CCDC50: variants seen among roughly 807,000 people sequenced by gnomAD.
CCDC50 encodes the protein coiled-coil domain containing 50.
CCDC50 carries 54 observed loss-of-function variants against 70.2 expected under a neutral mutation model. The observed-to-expected ratio is 0.77, with a 90% confidence interval of 0.62 to 0.96. CCDC50 has a LOEUF of 0.96. Ranked by LOEUF, CCDC50 falls within the 50% of genes least tolerant of loss-of-function variation. CCDC50 has a pLI of 0.00. For synonymous variants in CCDC50, 216 were observed against 198.8 expected, an observed-to-expected ratio of 1.09 and a Z score of -0.73; for missense variants, 558 against 578.7, an observed-to-expected ratio of 0.96 and a Z score of 0.37.
At chr3:191,389,335 A>G (rs1713603012) in intron 10 of CCDC50, among the ~76,000 whole-genome samples, 161 bp from the exon 11 acceptor site, 1 of 152,238 alleles carries the variant, frequency 6.6e-6, no homozygotes. Flanking sequence ...TAAATAATTT[A>G]TTCAAGGCCA....
chr3:191,353,276 A>G (rs79094824), intron 1 of CCDC50, among the ~76,000 whole-genome samples: 12,654 of 141,714 alleles, frequency 0.089, 2,245 homozygotes, highest in East Asian at 0.24. Context: ...GTAATTGACT[A>G]TGGTGGGAAG....
chr3:191,365,449 A>G (rs1278713120), intron 4 of CCDC50, among the ~76,000 whole-genome samples: 4 of 152,166 alleles, frequency 2.6e-5, no homozygotes, highest in Admixed American at 2.6e-4. Flanking sequence ...TGTTTTAAGT[A>G]TTATAAATAT....
In CCDC50 at chr3:191,357,989, T is replaced by A; in HGVS notation, c.113-9T>A. On this transcript the variant is annotated splice_polypyrimidine_tract_variant and intron_variant, in intron 2 of 11. Transcript: ENST00000392455. The stretch of plus-strand genomic sequence containing the variant: ...TTATTCATTCCTGTCCTCAATCTTT[T>A]TGTTCCAGTTGAGCATCATTTGGCA... 6.2e-7 allele frequency: 1 copy of A among 1,613,942 alleles called. No individual in the cohort carries two copies. Among genetic ancestry groups the A allele is most frequent in the Non-Finnish European group, 8.5e-7 (1 of 1,179,846 alleles).
intron 6 of CCDC50, among the ~76,000 whole-genome samples, chr3:191,379,258 A>G (rs1316026857): frequency 6.6e-6 from 1 of 152,066 alleles, no homozygotes; most frequent in East Asian, 1.9e-4. Context: ...ATATTTTTAT[A>G]CGTGTTCAAA....
chr3:191,333,582 C>T (rs1287178004), intron 1 of CCDC50, among the ~76,000 whole-genome samples: 1 of 152,142 alleles, frequency 6.6e-6, no homozygotes, highest in Non-Finnish European at 1.5e-5. Flanking sequence ...GGCTGGATCT[C>T]TTGGAGCTAG....
intron 11 of CCDC50, among the ~76,000 whole-genome samples, chr3:191,390,154 C>G (rs1713637252): frequency 6.6e-6 from 1 of 152,092 alleles, no homozygotes; most frequent in African/African-American, 2.4e-5. Context: ...CCAGCTCTTT[C>G]ATCAGATTCT....
At chr3:191,364,707 G>A (rs1712620503) in intron 4 of CCDC50, among the ~76,000 whole-genome samples, 1 of 151,406 alleles carries the variant, frequency 6.6e-6, no homozygotes, top group African/African-American at 2.4e-5. Flanking sequence ...TATTATGTTT[G>A]TTAACAAAGC....
At chr3:191,334,402 A>G (rs1437419672) in intron 1 of CCDC50, among the ~76,000 whole-genome samples, 1 of 152,208 alleles carries the variant, frequency 6.6e-6, no homozygotes, top group Admixed American at 6.5e-5. Flanking sequence ...TATTTTTTAA[A>G]CAGGTACTTA....
chr3:191,365,139 A>G (rs1712637677), intron 4 of CCDC50, among the ~76,000 whole-genome samples: 1 of 152,026 alleles, frequency 6.6e-6, no homozygotes, highest in Non-Finnish European at 1.5e-5. Context: ...ATGTGCAACT[A>G]TTTTAAGGAA....
chr3:191,335,593 C>T (rs554831721), intron 1 of CCDC50, among the ~76,000 whole-genome samples: 2 of 152,164 alleles, frequency 1.3e-5, no homozygotes, highest in East Asian at 3.9e-4. Context: ...ATCATTATTT[C>T]CTTCTGTCAT....
chr3:191,366,150 A>C (rs1302277623), intron 4 of CCDC50, among the ~76,000 whole-genome samples: 1 of 152,130 alleles, frequency 6.6e-6, no homozygotes, highest in Admixed American at 6.5e-5. Flanking sequence ...CATTTCTTAC[A>C]TTATGCTAAT....
chr3:191,334,090 A>G lies in CCDC50; in HGVS notation c.49+4367A>G, dbSNP rs573325640. Among the ~76,000 whole-genome samples the G allele has an allele frequency of 1.9e-4, 29 of 152,270 alleles. No individual in the cohort carries two copies. In the South Asian group the frequency reaches 3.5e-3, roughly 18 times the overall value. ...AATTTTTTGTTCTAAGTACAAAGCA[A>G]TATCACTCAATTTGGGAGCAGGAAG... On this transcript the variant is annotated intron_variant, in intron 1 of 11. Transcript: ENST00000392455.
chr3:191,347,779 C>T lies in CCDC50; in HGVS notation c.50-9309C>T, dbSNP rs576272066. 1.4e-5 allele frequency among the ~76,000 whole-genome samples: 2 copies of T among 142,384 alleles called. 1 individual carries two copies. The highest frequency in any genetic ancestry group is 1.4e-4 in the Admixed American group (2 of 13,964). 93.4% of individuals were successfully genotyped at this position (142,384 alleles called of 152,430 possible). On this transcript the variant is annotated intron_variant, in intron 1 of 11. Transcript: ENST00000392455. ...TGTTGTTTGAGGTAGTATTGATAGA[C>T]ATGTAGCTCCATAGCCTTGTTTCAG... is the stretch of plus-strand genomic sequence containing the variant.
At position 191,352,457 on chromosome 3, in the gene CCDC50, C is replaced by T. The variant is rs969597815; in HGVS notation, c.50-4631C>T. Among the ~76,000 whole-genome samples, 3 of 142,148 alleles carry T rather than the reference C, an allele frequency of 2.1e-5. 1 individual carries two copies. Among genetic ancestry groups the T allele is most frequent in the African/African-American group, 7.5e-5 (3 of 39,846 alleles). The allele number at this position is 142,148 out of a possible 152,430, so 93.3% of individuals were successfully genotyped here. The stretch of plus-strand genomic sequence containing the variant: ...TAATTCACTGTATATACAGGCATCC[C>T]TCATTTTATTGCACTTTGCTTTACT... On this transcript the variant is annotated intron_variant, in intron 1 of 11. Coordinates refer to ENST00000392455, the MANE Select transcript of CCDC50 (RefSeq NM_178335.3).
At chr3:191,375,963 A>C (rs777286796) in intron 6 of CCDC50, among the ~76,000 whole-genome samples, 1 of 152,154 alleles carries the variant, frequency 6.6e-6, no homozygotes, top group Admixed American at 6.6e-5. Flanking sequence ...AGAAGAGCTG[A>C]TGAGCCTGTC....
intron 1 of CCDC50, 32 bp from the exon 2 acceptor site, chr3:191,357,056 C>T (rs1456777318): frequency 7.0e-7 from 1 of 1,430,924 alleles, no homozygotes; most frequent in African/African-American, 1.4e-5. Flanking sequence ...ACTAATGAGC[C>T]TTCCTGTCTG....
rs977887439 is a variant in CCDC50 at position 191,395,581 on chromosome 3, T to G, written c.*3821T>G. ...CACCCTAATAAAGGAGTGAGATCTC[T>G]GTGTAAACAGCTTTCTGAAGGACTG... is the stretch of plus-strand genomic sequence containing the variant. On this transcript the variant is annotated 3_prime_UTR_variant, in exon 12 of 12. Coordinates refer to ENST00000392455, the MANE Select transcript of CCDC50 (RefSeq NM_178335.3). 1 of 152,166 alleles carries G rather than the reference T, an allele frequency of 6.6e-6. No individual in the cohort carries two copies. The highest frequency in any genetic ancestry group is 2.4e-5 in the African/African-American group (1 of 41,448). 9.4% of individuals were successfully genotyped at this position (152,166 alleles called of 1,614,324 possible).
At position 191,370,007 on chromosome 3, in the gene CCDC50, A is replaced by G; in HGVS notation, c.419A>G (p.Tyr140Cys). 6.2e-7 allele frequency: 1 copy of G among 1,611,840 alleles called. No homozygotes were observed. Among genetic ancestry groups the G allele is most frequent in the South Asian group, 1.1e-5 (1 of 91,030 alleles). ...CCAGAGTTCCCTGCAACCCGTGCTT[A>G]TGCAGATAGTTACTATTATGAAGAT... is the stretch of plus-strand genomic sequence containing the variant. ...HFPEFPATRA[Y>C]ADSYYYEDGD... The change falls in exon 5 of 12, where the codon TAT becomes TGT. Residue 140 changes from tyrosine to cysteine, a missense_variant. Physicochemically the swap from Tyr to Cys is radical, Grantham distance 194. Coordinates refer to ENST00000392455, the MANE Select transcript of CCDC50 (RefSeq NM_178335.3).
chr3:191,391,170 G>T (rs1372871840), intron 11 of CCDC50, among the ~76,000 whole-genome samples: 1 of 152,046 alleles, frequency 6.6e-6, no homozygotes, highest in East Asian at 1.9e-4. Flanking sequence ...GAAGACTTAG[G>T]TGATATTGTT....
Sources: allele counts gnomAD v4.1 joint callset (sites outside exome capture counted in the v4.1 genomes callset), GRCh38; gene constraint gnomAD v4.1.1; transcripts MANE v1.5; gene names NCBI Gene and HGNC (gene_info 2026-07-23, HGNC 2026-07-21).